LRP1B: variants seen among roughly 807,000 people sequenced by gnomAD.
LRP1B encodes LDL receptor related protein 1B, also known as low-density lipoprotein receptor-related protein 1B.
In LRP1B, 217 loss-of-function variants were observed where a neutral mutation model predicts 556.6. The ratio of observed to expected loss-of-function variants is 0.39; its 90% CI spans 0.35 to 0.44. LRP1B has a LOEUF of 0.44. LRP1B is among the 20% of genes least tolerant of loss of function. LRP1B has a pLI of 1.00. For synonymous variants in LRP1B, 2,047 were observed against 1,865.8 expected (o/e 1.10, Z -2.50); for missense variants, 5,053 against 5,620.8 (o/e 0.90, Z 3.23).
At position 140,526,302 on chromosome 2, in the gene LRP1B, A is replaced by G; in HGVS notation, c.7811T>C (p.Ile2604Thr). ...VEFRCADGTC[I>T]PRSARCNQNI... ...CTGGTTGCATCGTGCTGATCTTGGA[A>G]TACAAGTCCCATCTGCACAGCGGAA... Residue 2604 changes from isoleucine to threonine, a missense_variant, in exon 48 of 91, where the codon ATT becomes ACT. Ile to Thr is a moderately conservative substitution (Grantham distance 89). Around this residue, in one of 5 missense-constraint regions of LRP1B, gnomAD observed 3,619 missense variants for 3,931.9 expected, o/e 0.92. Transcript: ENST00000389484. 1 of 1,612,096 alleles carries G rather than the reference A, an allele frequency of 6.2e-7. No homozygotes were observed. Among genetic ancestry groups the G allele is most frequent in the South Asian group, 1.1e-5 (1 of 91,034 alleles).
intron 30 of LRP1B, 39 bp from the exon 31 acceptor site, chr2:140,840,124 T>C (rs1692054688): frequency 8.6e-7 from 1 of 1,157,702 alleles, no homozygotes; most frequent in South Asian, 1.3e-5. Context: ...ATATTAGATG[T>C]AGACCTACTC....
chr2:141,382,068 C>T (rs1689661421), intron 3 of LRP1B, among the ~76,000 whole-genome samples: 1 of 152,120 alleles, frequency 6.6e-6, no homozygotes, highest in African/African-American at 2.4e-5. Context: ...AAAGGCTTGG[C>T]TACCACCTAA....
intron 25 of LRP1B, among the ~76,000 whole-genome samples, chr2:140,878,742 C>T (rs1693382941): frequency 6.6e-6 from 1 of 152,000 alleles, no homozygotes; most frequent in Non-Finnish European, 1.5e-5. Flanking sequence ...TGTGGTGGCT[C>T]ATGCTTGTAA....
chr2:141,157,077 TA>T (rs1253060337), intron 7 of LRP1B, among the ~76,000 whole-genome samples: 4 of 152,046 alleles, frequency 2.6e-5, no homozygotes, highest in Non-Finnish European at 5.9e-5. Flanking sequence ...ATGTATCTAT[TA>T]AAAAAACGAA....
chr2:141,707,893 T>C (rs747358546), intron 2 of LRP1B, among the ~76,000 whole-genome samples: 5 of 152,112 alleles, frequency 3.3e-5, no homozygotes, highest in Non-Finnish European at 7.4e-5. Context: ...GTTACATTTG[T>C]GTACTAAGAA....
intron 31 of LRP1B, among the ~76,000 whole-genome samples, chr2:140,832,557 C>T (rs938994696): frequency 2.6e-5 from 4 of 152,134 alleles, no homozygotes; most frequent in Admixed American, 2.6e-4. Flanking sequence ...GAATATTATT[C>T]AGCCATAAAA....
intron 7 of LRP1B, among the ~76,000 whole-genome samples, chr2:141,108,075 T>A (rs1700652375): frequency 6.6e-6 from 1 of 152,106 alleles, no homozygotes; most frequent in Non-Finnish European, 1.5e-5. Flanking sequence ...TTACTGACTA[T>A]GCCTCAGAAA....
intron 2 of LRP1B, among the ~76,000 whole-genome samples, chr2:141,657,227 G>C (rs1227996078): frequency 6.6e-6 from 1 of 152,068 alleles, no homozygotes; most frequent in Non-Finnish European, 1.5e-5. Flanking sequence ...AAATTACAGA[G>C]TGTAGTAAAT....
intron 86 of LRP1B, among the ~76,000 whole-genome samples, chr2:140,251,255 T>C (rs1219875780): frequency 6.6e-6 from 1 of 151,862 alleles, no homozygotes. Context: ...ATGAAAGTTA[T>C]TACATTTAGT....
intron 2 of LRP1B, among the ~76,000 whole-genome samples, chr2:141,798,726 AAAAG>A (rs1208497966): frequency 1.3e-5 from 2 of 151,460 alleles, no homozygotes; most frequent in Non-Finnish European, 2.9e-5. Flanking sequence ...AAAAAAAAAA[AAAAG>A]AATATATTTT....
At chr2:141,653,543 C>G (rs183836465) in intron 2 of LRP1B, among the ~76,000 whole-genome samples, 1 of 152,180 alleles carries the variant, frequency 6.6e-6, no homozygotes, top group Non-Finnish European at 1.5e-5. Flanking sequence ...TTAGATGTAT[C>G]AATTCTTAGT....
intron 1 of LRP1B, among the ~76,000 whole-genome samples, chr2:141,885,349 T>C (rs994702238): frequency 2.0e-5 from 3 of 152,140 alleles, no homozygotes; most frequent in Non-Finnish European, 4.4e-5. Flanking sequence ...ACAGAGTCTA[T>C]TGCTGAAATT....
intron 32 of LRP1B, among the ~76,000 whole-genome samples, chr2:140,804,018 TTGAAGTTTCAGCTGCTTTTTACA>T (rs1309383243): frequency 1.3e-5 from 2 of 151,794 alleles, no homozygotes; most frequent in East Asian, 3.9e-4. Context: ...CCTTTGAAAC[TTGAAGTTTCAGCTGCTTTTTACA>T]TTCAGGGGAA....
intron 2 of LRP1B, among the ~76,000 whole-genome samples, chr2:141,531,264 A>C (rs1684862495): frequency 6.6e-6 from 1 of 151,656 alleles, no homozygotes; most frequent in African/African-American, 2.4e-5. Context: ...CTTGATATTT[A>C]CTATATTATC....
chr2:142,058,392 T>A (rs553247473), intron 1 of LRP1B, among the ~76,000 whole-genome samples: 1 of 152,264 alleles, frequency 6.6e-6, no homozygotes, highest in African/African-American at 2.4e-5. Flanking sequence ...ACTCCACTGA[T>A]CTAGCGGGTA....
intron 3 of LRP1B, among the ~76,000 whole-genome samples, chr2:141,426,594 A>C (rs1680372953): frequency 6.6e-6 from 1 of 152,116 alleles, no homozygotes; most frequent in African/African-American, 2.4e-5. Flanking sequence ...TCAGTTTAGA[A>C]ATAATAAACT....
chr2:140,614,302 T>C (rs1683183530), intron 41 of LRP1B, among the ~76,000 whole-genome samples: 1 of 152,126 alleles, frequency 6.6e-6, no homozygotes, highest in African/African-American at 2.4e-5. Flanking sequence ...CCTAATGCTA[T>C]ATCCTTCTCT....
chr2:141,113,407 G>T (rs1700802802), intron 7 of LRP1B, among the ~76,000 whole-genome samples: 1 of 152,128 alleles, frequency 6.6e-6, no homozygotes, highest in African/African-American at 2.4e-5. Context: ...CTCACATGAA[G>T]TATTTAGCCA....
intron 1 of LRP1B, among the ~76,000 whole-genome samples, chr2:141,905,765 A>ATGTGTG (rs56309590): frequency 0.3 from 30,309 of 99,984 alleles, 3,592 homozygotes; most frequent in East Asian, 0.42. Context: ...GTTTGAATAG[A>ATGTGTG]TGTGTGTGTG....
Sources: allele counts gnomAD v4.1 joint callset (sites outside exome capture counted in the v4.1 genomes callset), GRCh38; gene constraint gnomAD v4.1.1; regional missense constraint gnomAD v4.1.1; transcripts MANE v1.5; gene names NCBI Gene and HGNC (gene_info 2026-07-23, HGNC 2026-07-21).